The following ZC3H12B variants were observed in gnomAD, a reference collection of about 807,000 sequenced individuals.
ZC3H12B encodes the protein zinc finger CCCH-type containing 12B.
ZC3H12B carries 7 observed loss-of-function variants against 43.9 expected under a neutral mutation model. The ratio of observed to expected loss-of-function variants is 0.16; its 90% CI spans 0.09 to 0.30. The LOEUF (loss-of-function observed/expected upper bound fraction) is 0.30. Ranked by LOEUF, ZC3H12B falls within the 10% of genes least tolerant of loss-of-function variation. The pLI is 1.00. For synonymous variants in ZC3H12B, 222 were observed against 241.7 expected, an observed-to-expected ratio of 0.92 and a Z score of 0.76; for missense variants, 475 against 670.2, an observed-to-expected ratio of 0.71 and a Z score of 3.22.
At chrX:65,223,329 C>A in the ZC3H12B span, among the ~76,000 whole-genome samples, 1 of 110,753 alleles carries the variant, frequency 9.0e-6, no homozygotes, top group African/African-American at 3.3e-5. Context: ...CAACTCAACA[C>A]GGCTGAAGGA....
At chrX:65,294,548 G>A in the ZC3H12B span, among the ~76,000 whole-genome samples, 1 of 111,250 alleles carries the variant, frequency 9.0e-6, no homozygotes, top group Non-Finnish European at 1.9e-5. Context: ...TCCACCTAAA[G>A]GAAACAGAAT....
the ZC3H12B span, among the ~76,000 whole-genome samples, chrX:65,121,855 C>T: frequency 9.0e-6 from 1 of 111,427 alleles, no homozygotes; most frequent in South Asian, 3.8e-4. Flanking sequence ...TTTCTTTGTT[C>T]TCGTTGGTTT....
chrX:65,164,762 T>C, the ZC3H12B span, among the ~76,000 whole-genome samples: 1 of 111,993 alleles, frequency 8.9e-6, no homozygotes, highest in Non-Finnish European at 1.9e-5. Flanking sequence ...ATTGTTGGTC[T>C]GGCTTATGTA....
At chrX:65,212,540 ATATT>A in the ZC3H12B span, among the ~76,000 whole-genome samples, 37 of 75,823 alleles carry the variant, frequency 4.9e-4, no homozygotes, top group African/African-American at 1.9e-3. Context: ...CATATAATGT[ATATT>A]TATATATTAT....
the ZC3H12B span, among the ~76,000 whole-genome samples, chrX:65,114,821 G>A: frequency 9.3e-6 from 1 of 107,762 alleles, no homozygotes; most frequent in Non-Finnish European, 1.9e-5. Context: ...TGAGGTGGGA[G>A]CTCAGATTAT....
At chrX:65,073,171 G>T in the ZC3H12B span, among the ~76,000 whole-genome samples, 1 of 112,710 alleles carries the variant, frequency 8.9e-6, no homozygotes, top group Non-Finnish European at 1.9e-5. Flanking sequence ...AGCAGTGGCA[G>T]TGCAAGGTGT....
chrX:65,140,026 T>C, the ZC3H12B span, among the ~76,000 whole-genome samples: 6 of 111,115 alleles, frequency 5.4e-5, no homozygotes, highest in African/African-American at 2.0e-4. Flanking sequence ...TAAGACCATG[T>C]TGTCTATAAA....
chrX:65,450,715 G>A (rs201494636), intron 3 of ZC3H12B, among the ~76,000 whole-genome samples: 347 of 9,616 alleles, frequency 0.036, 17 homozygotes, highest in Middle Eastern at 0.091. Flanking sequence ...ATATGTATAT[G>A]TATACATATG....
intron 2 of ZC3H12B, among the ~76,000 whole-genome samples, chrX:65,385,549 G>A (rs1325702999): frequency 2.7e-5 from 3 of 112,054 alleles, no homozygotes; most frequent in African/African-American, 9.7e-5. Context: ...GAGATTTTGG[G>A]CTGAGATGAT....
chrX:65,086,189 A>C, the ZC3H12B span, among the ~76,000 whole-genome samples: 1 of 110,667 alleles, frequency 9.0e-6, no homozygotes, highest in African/African-American at 3.3e-5. Context: ...AAGATTACAC[A>C]CACAGTATTT....
the ZC3H12B span, among the ~76,000 whole-genome samples, chrX:65,112,713 A>G: frequency 1.8e-5 from 2 of 111,837 alleles, no homozygotes; most frequent in African/African-American, 6.5e-5. Context: ...GTTGAGACCT[A>G]CTGCTCAGAA....
At chrX:65,450,874 T>C (rs186253497) in intron 3 of ZC3H12B, among the ~76,000 whole-genome samples, 40 of 90,487 alleles carry the variant, frequency 4.4e-4, no homozygotes, top group African/African-American at 1.6e-3. Context: ...TATGTATATA[T>C]ATACATATGT....
chrX:65,453,261 A>G (rs1007242046), intron 3 of ZC3H12B, among the ~76,000 whole-genome samples: 1 of 103,616 alleles, frequency 9.7e-6, no homozygotes, highest in African/African-American at 3.5e-5. Context: ...TATCCAGAGG[A>G]AAAGAAGCCA....
chrX:65,310,143 G>A, the ZC3H12B span, among the ~76,000 whole-genome samples: 2 of 111,481 alleles, frequency 1.8e-5, no homozygotes, highest in African/African-American at 3.3e-5. Flanking sequence ...TTGGAAGTTC[G>A]GGCCAGGGCA....
upstream of ZC3H12B, among the ~76,000 whole-genome samples, chrX:65,486,805 T>C (rs1417829018): frequency 8.9e-6 from 1 of 112,608 alleles, no homozygotes; most frequent in Non-Finnish European, 1.9e-5. Flanking sequence ...TATTTGATAG[T>C]ATGAAATAAA....
At chrX:65,134,023 G>A in the ZC3H12B span, among the ~76,000 whole-genome samples, 4 of 111,150 alleles carry the variant, frequency 3.6e-5, no homozygotes, top group Admixed American at 9.6e-5. Context: ...TTGGTGCCAA[G>A]CAGTGTTGCA....
chrX:65,375,057 C>T (rs1208445063), intron 2 of ZC3H12B, among the ~76,000 whole-genome samples: 1 of 111,730 alleles, frequency 9.0e-6, no homozygotes, highest in African/African-American at 3.3e-5. Context: ...TCTAATATCA[C>T]TCCTTCTCCA....
the ZC3H12B span, among the ~76,000 whole-genome samples, chrX:65,212,705 TTATATATCATA>T: frequency 2.2e-5 from 2 of 92,305 alleles, no homozygotes; most frequent in African/African-American, 7.9e-5. Context: ...TATATATGAT[TTATATATCATA>T]TATATATCAT....
the ZC3H12B span, among the ~76,000 whole-genome samples, chrX:65,153,525 A>G: frequency 3.5e-3 from 393 of 112,277 alleles, 9 homozygotes; most frequent in Admixed American, 0.027. Context: ...CAAAACCACA[A>G]TGAGATACCA....
Sources: gnomAD v4.1 joint callset for allele counts (sites outside exome capture counted in the v4.1 genomes callset) on GRCh38, gnomAD v4.1.1 for gene constraint, MANE v1.5 for transcripts, NCBI Gene and HGNC (gene_info 2026-07-23, HGNC 2026-07-21) for gene names.